XYLT1: variants seen among roughly 807,000 people sequenced by gnomAD.
The protein encoded by XYLT1 is beta-D-xylosyltransferase 1.
XYLT1 carries 36 observed loss-of-function variants against 91.3 expected under a neutral mutation model. The observed-to-expected ratio is 0.39, with a 90% CI of 0.30 to 0.52. The LOEUF (loss-of-function observed/expected upper bound fraction) is 0.52, where lower values mean the gene tolerates loss of function less well. XYLT1 is among the 20% of genes least tolerant of loss of function. The probability of loss-of-function intolerance (pLI) is 0.68; values close to 1 mark genes in which losing one functional copy is unlikely to be tolerated. For missense variants in XYLT1, 1,242 were observed against 1,284.5 expected (o/e 0.97, Z 0.51); for synonymous variants, 588 against 532.0 (o/e 1.11, Z -1.45).
In XYLT1 at chr16:17,232,061, C is replaced by T. The variant is rs146650798; in HGVS notation, c.913+26927G>A. 5.0e-3 allele frequency among the ~76,000 whole-genome samples: 733 copies of T among 145,464 alleles called. 6 individuals are homozygous for T. The highest frequency in any genetic ancestry group is 9.0e-3 in the Non-Finnish European group (598 of 66,740). On this transcript the variant is annotated intron_variant, in intron 3 of 11. Coordinates refer to ENST00000261381, the MANE Select transcript of XYLT1 (RefSeq NM_022166.4). ...TGGACTGCACATACAATGGTGGTCC[C>T]GTAAGATATTATAATCTTATTATAA...
chr16:17,191,235 C>T (rs537215337), intron 5 of XYLT1, among the ~76,000 whole-genome samples: 13 of 152,186 alleles, frequency 8.5e-5, no homozygotes, highest in Non-Finnish European at 1.5e-4. Context: ...TAGGAATGTA[C>T]GAAGTGCTAC....
In XYLT1 at chr16:17,248,745, AT is replaced by A. The variant is rs1045404682; in HGVS notation, c.913+10242del. On this transcript the variant is annotated intron_variant, in intron 3 of 11. Coordinates refer to ENST00000261381, the MANE Select transcript of XYLT1 (RefSeq NM_022166.4). Reference sequence around the variant, plus strand: ...ATTGCTGTTGCAATTTTACATGTGAATTTTTTTTTTTTTTTTTTTTGAGATG... The same window carrying A: ...ATTGCTGTTGCAATTTTACATGTGAATTTTTTTTTTTTTTTTTTTGAGATG... Among the ~76,000 whole-genome samples the A allele has an allele frequency of 6.8e-3, 860 of 127,010 alleles. 4 individuals carry two copies. The highest frequency in any genetic ancestry group is 0.017 in the African/African-American group (573 of 32,870). 83.3% of individuals were successfully genotyped at this position (127,010 alleles called of 152,430 possible). A position where few individuals can be genotyped will look rare whatever the true frequency, so the allele number is the denominator to read the frequency against.
intron 2 of XYLT1, among the ~76,000 whole-genome samples, chr16:17,272,162 T>G (rs2033906021): frequency 7.3e-6 from 1 of 137,554 alleles, no homozygotes; most frequent in Non-Finnish European, 1.6e-5. Flanking sequence ...GGTTTTTTTT[T>G]TTTTTTTTTT....
chr16:17,420,240 T>A (rs1366883647), intron 1 of XYLT1, among the ~76,000 whole-genome samples: 1 of 152,206 alleles, frequency 6.6e-6, no homozygotes, highest in African/African-American at 2.4e-5. Context: ...ACATAATTTT[T>A]TAATTTCGTA....
chr16:17,338,978 G>A (rs2035028581), intron 2 of XYLT1, among the ~76,000 whole-genome samples: 1 of 152,198 alleles, frequency 6.6e-6, no homozygotes, highest in Non-Finnish European at 1.5e-5. Flanking sequence ...CTCCGCAAGG[G>A]AGAAACATCA....
intron 7 of XYLT1, 169 bp from the exon 8 acceptor site, chr16:17,138,700 C>G: frequency 1.5e-6 from 1 of 652,612 alleles, no homozygotes; most frequent in Non-Finnish European, 2.5e-6. Flanking sequence ...TGCAGAACTG[C>G]AAGCCAAATA....
chr16:17,230,311 G>A (rs768434655), intron 3 of XYLT1, among the ~76,000 whole-genome samples: 1 of 152,140 alleles, frequency 6.6e-6, no homozygotes, highest in Non-Finnish European at 1.5e-5. Flanking sequence ...TCTTGATCCT[G>A]TCCCTGTCCA....
chr16:17,180,736 G>A (rs1296563155), intron 5 of XYLT1, among the ~76,000 whole-genome samples: 3 of 152,102 alleles, frequency 2.0e-5, no homozygotes, highest in African/African-American at 4.8e-5. Context: ...ATAGGCAGTG[G>A]GCCAAGACTA....
chr16:17,431,637 C>T (rs2036392914), intron 1 of XYLT1, among the ~76,000 whole-genome samples: 1 of 152,184 alleles, frequency 6.6e-6, no homozygotes. Flanking sequence ...AAGCAAAATG[C>T]TACACCGTTT....
chr16:17,410,123 C>T (rs889795319), intron 1 of XYLT1, among the ~76,000 whole-genome samples: 1 of 152,142 alleles, frequency 6.6e-6, no homozygotes, highest in African/African-American at 2.4e-5. Context: ...CTGCTGGCTG[C>T]CCCTTTTGCC....
intron 9 of XYLT1, among the ~76,000 whole-genome samples, chr16:17,129,088 A>C (rs918952512): frequency 6.4e-5 from 9 of 140,694 alleles, no homozygotes; most frequent in African/African-American, 1.2e-4. Context: ...AAAAAAAAAA[A>C]AAAAAAAAAC....
chr16:17,141,128 T>C (rs2030961167), intron 7 of XYLT1, 25 bp downstream of exon 7: 10 of 1,608,772 alleles, frequency 6.2e-6, no homozygotes, highest in Non-Finnish European at 8.5e-6. Context: ...CTATCTTTCT[T>C]GGGAAAATTT....
At chr16:17,358,075 A>C (rs1225083335) in intron 1 of XYLT1, 25 bp from the exon 2 acceptor site, 2 of 1,606,672 alleles carry the variant, frequency 1.2e-6, no homozygotes, top group African/African-American at 2.7e-5. Flanking sequence ...GAGAAAATGC[A>C]CGTGAGGAGT....
In XYLT1 at chr16:17,172,466, C is replaced by CTTTTT. The variant is rs1157952692; in HGVS notation, c.1290-13562_1290-13558dup. On this transcript the variant is annotated intron_variant, in intron 5 of 11. Coordinates refer to ENST00000261381, the MANE Select transcript of XYLT1 (RefSeq NM_022166.4). Reference sequence around the variant, plus strand: ...TATGTGCCAAAGACTGCGTTCATTTCTTTTTTTTTTTTTTTTTTTTTTGAG... The same window carrying CTTTTT: ...TATGTGCCAAAGACTGCGTTCATTTCTTTTTTTTTTTTTTTTTTTTTTTTTTTGAG... 5.7e-3 allele frequency among the ~76,000 whole-genome samples: 589 copies of CTTTTT among 102,526 alleles called. 2 individuals carry two copies. The highest frequency in any genetic ancestry group is 8.8e-3 in the Middle Eastern group (1 of 114). The allele number at this position is 102,526 out of a possible 152,430, so 67.3% of individuals were successfully genotyped here. A position where few individuals can be genotyped will look rare whatever the true frequency, so the allele number is the denominator to read the frequency against.
intron 1 of XYLT1, among the ~76,000 whole-genome samples, chr16:17,455,465 T>C (rs1197470550): frequency 6.6e-6 from 1 of 152,042 alleles, no homozygotes; most frequent in African/African-American, 2.4e-5. Context: ...TATTTAATAA[T>C]AATGGCTGGG....
At chr16:17,361,222 C>A (rs2035376826) in intron 1 of XYLT1, among the ~76,000 whole-genome samples, 1 of 152,180 alleles carries the variant, frequency 6.6e-6, no homozygotes, top group African/African-American at 2.4e-5. Flanking sequence ...GCCATTGCCA[C>A]AAGAGATCAT....
intron 5 of XYLT1, among the ~76,000 whole-genome samples, chr16:17,185,835 T>C (rs994924983): frequency 1.3e-5 from 2 of 152,112 alleles, no homozygotes; most frequent in Non-Finnish European, 2.9e-5. Context: ...ACCTTGTCTC[T>C]ACTAAAAATA....
At position 17,337,925 on chromosome 16, in the gene XYLT1, C is replaced by T. The variant is rs934411490; in HGVS notation, c.402+20087G>A. Among the ~76,000 whole-genome samples, 13 of 152,008 alleles carry T rather than the reference C, an allele frequency of 8.6e-5. No homozygotes were observed. The East Asian group carries it at 9.7e-4, about 11-fold the overall frequency. ...CCGAGTAGCTGTGATTACAGGCATG[C>T]GCCACCACGTCCGGCTAATTTTTGT... is the stretch of plus-strand genomic sequence containing the variant. On this transcript the variant is annotated intron_variant, in intron 2 of 11. Transcript: ENST00000261381.
At chr16:17,207,000 G>T (rs1255244831) in intron 3 of XYLT1, among the ~76,000 whole-genome samples, 1 of 151,328 alleles carries the variant, frequency 6.6e-6, no homozygotes, top group Non-Finnish European at 1.5e-5. Flanking sequence ...AGTTAGCATT[G>T]CCACATAGAG....
Sources: allele counts gnomAD v4.1 joint callset (sites outside exome capture counted in the v4.1 genomes callset), GRCh38; gene constraint gnomAD v4.1.1; transcripts MANE v1.5; gene names NCBI Gene and HGNC (gene_info 2026-07-23, HGNC 2026-07-21).